The following ASCC3 variants were observed in gnomAD, a reference collection of about 807,000 sequenced individuals.
The protein encoded by ASCC3 is activating signal cointegrator 1 complex subunit 3, also known as ASC-1 complex subunit P200.
In ASCC3, 158 loss-of-function variants were observed where a neutral mutation model predicts 256.3. The ratio of observed to expected loss-of-function variants is 0.62; its 90% confidence interval spans 0.54 to 0.70. ASCC3 has a LOEUF of 0.70. Among genes scored for constraint, ASCC3 ranks in the 30% least tolerant of loss-of-function variants. The probability of loss-of-function intolerance (pLI) is 0.00; values close to 1 mark genes in which losing one functional copy is unlikely to be tolerated. For missense variants in ASCC3, 2,259 were observed against 2,626.0 expected (o/e 0.86, Z 3.05); for synonymous variants, 948 against 883.4 (o/e 1.07, Z -1.30).
At chr6:100,740,900 T>A (rs1473743984) in intron 10 of ASCC3, among the ~76,000 whole-genome samples, 1 of 152,250 alleles carries the variant, frequency 6.6e-6, no homozygotes, top group Non-Finnish European at 1.5e-5. Context: ...CATTTACATG[T>A]AACATCAATA....
chr6:100,660,295 C>T (rs898160825), intron 16 of ASCC3, among the ~76,000 whole-genome samples: 7 of 151,506 alleles, frequency 4.6e-5, no homozygotes, highest in Non-Finnish European at 1.0e-4. Context: ...TGGATAATAT[C>T]TCCATAGCAG....
chr6:100,579,180 T>C (rs555141997), intron 36 of ASCC3, among the ~76,000 whole-genome samples: 1 of 146,678 alleles, frequency 6.8e-6, no homozygotes, highest in Non-Finnish European at 1.5e-5. Context: ...TTTAATGGGG[T>C]TGTTTGTTTT....
intron 4 of ASCC3, among the ~76,000 whole-genome samples, chr6:100,822,538 A>C (rs76470374): frequency 1.3e-4 from 4 of 30,562 alleles, no homozygotes; most frequent in African/African-American, 2.4e-4. Context: ...TCCGTCTCCA[A>C]AAAAAAAAAA....
intron 36 of ASCC3, among the ~76,000 whole-genome samples, chr6:100,570,944 GCCACCATCT>G (rs1181883799): frequency 3.3e-5 from 5 of 152,064 alleles, no homozygotes; most frequent in Admixed American, 3.3e-4. Flanking sequence ...CTCTATCCAA[GCCACCATCT>G]TCTCTCATGT....
At chr6:100,716,584 C>T (rs558180526) in intron 12 of ASCC3, among the ~76,000 whole-genome samples, 1 of 151,988 alleles carries the variant, frequency 6.6e-6, no homozygotes, top group South Asian at 2.1e-4. Context: ...ATTTACTCCT[C>T]ATGAATAATT....
At chr6:100,585,663 T>A (rs985752725) in intron 36 of ASCC3, among the ~76,000 whole-genome samples, 3 of 152,150 alleles carry the variant, frequency 2.0e-5, no homozygotes, top group Non-Finnish European at 4.4e-5. Flanking sequence ...GCTCTGCTTT[T>A]TAGAGTTTCC....
chr6:100,573,019 T>G (rs1770676581), intron 36 of ASCC3, among the ~76,000 whole-genome samples: 1 of 152,120 alleles, frequency 6.6e-6, no homozygotes, highest in Admixed American at 6.6e-5. Flanking sequence ...TGAAGGGGTA[T>G]TTTCCATGAT....
At chr6:100,758,762 T>C (rs570017465) in intron 10 of ASCC3, among the ~76,000 whole-genome samples, 3 of 152,162 alleles carry the variant, frequency 2.0e-5, no homozygotes, top group African/African-American at 7.2e-5. Flanking sequence ...ATACCCAGTA[T>C]TGAGATTGTT....
At position 100,519,323 on chromosome 6, in the gene ASCC3, G is replaced by C. The variant is rs191333433; in HGVS notation, c.5776-1181C>G. ...ATTGGTCTTTAGCATCCATTAACCT[G>C]CTAGATATACATCATAAAGACAGAA... is the stretch of plus-strand genomic sequence containing the variant. On this transcript the variant is annotated intron_variant, in intron 37 of 41. Coordinates refer to ENST00000369162, the MANE Select transcript of ASCC3 (RefSeq NM_006828.4). Among the ~76,000 whole-genome samples the C allele has an allele frequency of 5.1e-4, 77 of 152,214 alleles. No homozygotes were observed. In the East Asian group the frequency reaches 0.014, roughly 28 times the overall value.
chr6:100,819,744 C>T (rs1770946121), intron 4 of ASCC3, among the ~76,000 whole-genome samples: 1 of 152,172 alleles, frequency 6.6e-6, no homozygotes, highest in South Asian at 2.1e-4. Context: ...ATGCTGGCAG[C>T]TGATTAGATT....
At chr6:100,721,007 T>C (rs1779302465) in intron 11 of ASCC3, among the ~76,000 whole-genome samples, 1 of 150,226 alleles carries the variant, frequency 6.7e-6, no homozygotes, top group Non-Finnish European at 1.5e-5. Flanking sequence ...TTATAAACAA[T>C]TTACAAAATT....
At chr6:100,618,870 A>G (rs1773801384) in intron 30 of ASCC3, among the ~76,000 whole-genome samples, 1 of 152,208 alleles carries the variant, frequency 6.6e-6, no homozygotes, top group Admixed American at 6.5e-5. Flanking sequence ...CTTATACATC[A>G]TGACGATACC....
chr6:100,875,733 A>T (rs1458945781), intron 1 of ASCC3, among the ~76,000 whole-genome samples: 2 of 152,176 alleles, frequency 1.3e-5, no homozygotes, highest in Non-Finnish European at 2.9e-5. Flanking sequence ...GTTTCAAATG[A>T]CATGATACAG....
chr6:100,582,777 T>C (rs1019516618), intron 36 of ASCC3, among the ~76,000 whole-genome samples: 3 of 152,184 alleles, frequency 2.0e-5, no homozygotes, highest in African/African-American at 7.2e-5. Flanking sequence ...ACCTAATTTA[T>C]TGAGAGTTTT....
chr6:100,785,563 G>A (rs750071490), intron 8 of ASCC3, among the ~76,000 whole-genome samples: 3 of 151,928 alleles, frequency 2.0e-5, no homozygotes, highest in Admixed American at 6.6e-5. Context: ...TACCATGTCT[G>A]GCTAATTTTT....
At position 100,743,192 on chromosome 6, in the gene ASCC3, T is replaced by C. The variant is rs557214034; in HGVS notation, c.1738-17489A>G. On this transcript the variant is annotated intron_variant, in intron 10 of 41. Coordinates refer to ENST00000369162, the MANE Select transcript of ASCC3 (RefSeq NM_006828.4). ...CCTTGGCCGGGGGTGGGGAGTCCTT[T>C]GGCTCTGTGCCACTCTTGGGTGGGC... Among the ~76,000 whole-genome samples, 7 of 152,296 alleles carry C rather than the reference T, an allele frequency of 4.6e-5. No homozygotes were observed. The East Asian group carries it at 1.4e-3, about 29-fold the overall frequency.
At chr6:100,878,549 G>A (rs1769105140) in intron 1 of ASCC3, among the ~76,000 whole-genome samples, 4 of 152,174 alleles carry the variant, frequency 2.6e-5, no homozygotes, top group African/African-American at 9.7e-5. Context: ...CCACAAAGAT[G>A]AAACGAGCAC....
At chr6:100,790,954 C>A (rs1028199253) in intron 8 of ASCC3, among the ~76,000 whole-genome samples, 6 of 151,758 alleles carry the variant, frequency 4.0e-5, no homozygotes, top group African/African-American at 1.5e-4. Context: ...AAAATGAATT[C>A]TTATTTAGAA....
chr6:100,536,168 TACA>T (rs1228499645), intron 37 of ASCC3, among the ~76,000 whole-genome samples: 1 of 152,214 alleles, frequency 6.6e-6, no homozygotes, highest in Non-Finnish European at 1.5e-5. Flanking sequence ...ATTCTAAAAC[TACA>T]ACACTGAATA....
Sources: gnomAD v4.1 joint callset for allele counts (sites outside exome capture counted in the v4.1 genomes callset) on GRCh38, gnomAD v4.1.1 for gene constraint, MANE v1.5 for transcripts, NCBI Gene and HGNC (gene_info 2026-07-23, HGNC 2026-07-21) for gene names.